The following ANKS1B variants were observed in gnomAD, a reference collection of about 807,000 sequenced individuals.
ANKS1B encodes the protein ankyrin repeat and sterile alpha motif domain-containing protein 1B.
Under a neutral mutation model 148.3 loss-of-function variants are expected in ANKS1B, and 36 were observed. The observed-to-expected ratio is 0.24, with a 90% CI of 0.19 to 0.32. ANKS1B has a LOEUF of 0.32. Among genes scored for constraint, ANKS1B ranks in the 10% least tolerant of loss-of-function variants. ANKS1B has a pLI of 1.00. For synonymous variants in ANKS1B, 542 were observed against 560.8 expected (o/e 0.97, Z 0.47); for missense variants, 1,157 against 1,542.6 (o/e 0.75, Z 4.19).
intron 17 of ANKS1B, among the ~76,000 whole-genome samples, chr12:99,024,022 C>T (rs1404903502): frequency 1.3e-5 from 2 of 151,154 alleles, no homozygotes; most frequent in Non-Finnish European, 1.5e-5. Context: ...TTTTTACTTG[C>T]AGTGCCGAGA....
intron 26 of ANKS1B, among the ~76,000 whole-genome samples, chr12:98,747,604 G>A (rs565848881): frequency 2.0e-5 from 3 of 152,262 alleles, no homozygotes; most frequent in Admixed American, 6.5e-5. Context: ...CCACTACTGC[G>A]TATATATACA....
chr12:99,007,299 G>A (rs145158049), intron 17 of ANKS1B, among the ~76,000 whole-genome samples: 1 of 152,320 alleles, frequency 6.6e-6, no homozygotes, highest in Admixed American at 6.5e-5. Context: ...TGGAAAATAT[G>A]TAGGCAGAAG....
intron 15 of ANKS1B, among the ~76,000 whole-genome samples, chr12:99,095,025 CTG>C (rs1491554800): frequency 1.3e-5 from 1 of 79,068 alleles, no homozygotes; most frequent in East Asian, 1.0e-3. Flanking sequence ...ATGGGTCTCA[CTG>C]GGGGGGGGGT....
At chr12:99,319,371 A>G (rs2084787942) in intron 12 of ANKS1B, among the ~76,000 whole-genome samples, 1 of 152,188 alleles carries the variant, frequency 6.6e-6, no homozygotes, top group Admixed American at 6.5e-5. Flanking sequence ...GGGTGCATAT[A>G]TATTTAGGAT....
At chr12:99,109,101 G>A (rs2059788870) in intron 15 of ANKS1B, among the ~76,000 whole-genome samples, 1 of 152,116 alleles carries the variant, frequency 6.6e-6, no homozygotes, top group Non-Finnish European at 1.5e-5. Flanking sequence ...CCTCAAGGTT[G>A]CTCCCTGGCT....
chr12:99,809,522 T>C lies in ANKS1B; in HGVS notation c.372+2633A>G, dbSNP rs549716554. ...ATAAAAGAGAAGGATGTGGCAATTATAAAAACCATAATCCGGGTAGAGTCC... is the reference window on the plus strand; with the variant it reads ...ATAAAAGAGAAGGATGTGGCAATTACAAAAACCATAATCCGGGTAGAGTCC... On this transcript the variant is annotated intron_variant, in intron 3 of 26. Transcript: ENST00000683438. Among the ~76,000 whole-genome samples the C allele has an allele frequency of 2.0e-4, 31 of 152,108 alleles. 1 individual carries two copies. The highest frequency in any genetic ancestry group is 7.0e-4 in the African/African-American group (29 of 41,552).
At chr12:99,345,902 A>C (rs1237032205) in intron 12 of ANKS1B, among the ~76,000 whole-genome samples, 1 of 152,020 alleles carries the variant, frequency 6.6e-6, no homozygotes, top group Non-Finnish European at 1.5e-5. Context: ...TCACAAAATT[A>C]GTTCATGCTT....
chr12:99,302,574 G>T (rs2154021216), intron 12 of ANKS1B, among the ~76,000 whole-genome samples: 1 of 152,250 alleles, frequency 6.6e-6, no homozygotes, highest in Non-Finnish European at 1.5e-5. Flanking sequence ...AGATGACATT[G>T]TGCTTCAGTG....
chr12:99,412,947 G>T (rs992619418), intron 11 of ANKS1B, among the ~76,000 whole-genome samples: 3 of 152,086 alleles, frequency 2.0e-5, no homozygotes, highest in African/African-American at 7.2e-5. Context: ...CAATTTTTTG[G>T]TTGTTATGAA....
chr12:99,907,326 G>A (rs555384966), intron 1 of ANKS1B, among the ~76,000 whole-genome samples: 1 of 152,234 alleles, frequency 6.6e-6, no homozygotes, highest in South Asian at 2.1e-4. Context: ...GCCCCATGCC[G>A]CCTGTGCTGT....
At position 99,659,675 on chromosome 12, in the gene ANKS1B, T is replaced by C. The variant is rs1257783411; in HGVS notation, c.1129-4465A>G. Among the ~76,000 whole-genome samples, 3 of 152,118 alleles carry C rather than the reference T, an allele frequency of 2.0e-5. No individual in the cohort carries two copies. In the South Asian group the frequency reaches 6.2e-4, roughly 32 times the overall value. On this transcript the variant is annotated intron_variant, in intron 8 of 26. Transcript: ENST00000683438. ...GTCTGTGTGTGTGCATGTGTGTATG[T>C]GTAAATTATATGACAACTATATATA...
intron 12 of ANKS1B, among the ~76,000 whole-genome samples, chr12:99,396,372 C>T (rs905182736): frequency 6.6e-6 from 1 of 152,114 alleles, no homozygotes; most frequent in African/African-American, 2.4e-5. Flanking sequence ...TTTGCAAGTA[C>T]AAATGCCTTC....
intron 17 of ANKS1B, among the ~76,000 whole-genome samples, chr12:98,907,893 T>C (rs1186038391): frequency 6.6e-6 from 1 of 152,218 alleles, no homozygotes; most frequent in Non-Finnish European, 1.5e-5. Flanking sequence ...CCTGCTGCCA[T>C]GTAAGATGTG....
At chr12:99,965,551 G>A (rs974275210) in intron 1 of ANKS1B, among the ~76,000 whole-genome samples, 15 of 152,108 alleles carry the variant, frequency 9.9e-5, no homozygotes, top group East Asian at 3.8e-4. Flanking sequence ...TATCAGCAAC[G>A]GGACAGATCA....
chr12:99,458,757 A>G (rs1381631956), intron 10 of ANKS1B, among the ~76,000 whole-genome samples: 1 of 152,060 alleles, frequency 6.6e-6, no homozygotes, highest in Non-Finnish European at 1.5e-5. Flanking sequence ...AGCAAGATTG[A>G]AATGGTAATT....
At chr12:99,451,853 A>G (rs983836022) in intron 10 of ANKS1B, among the ~76,000 whole-genome samples, 1 of 152,182 alleles carries the variant, frequency 6.6e-6, no homozygotes, top group East Asian at 1.9e-4. Context: ...TAAGTGCTCA[A>G]TAAAATTATC....
chr12:99,938,269 G>C (rs773093959), intron 1 of ANKS1B, among the ~76,000 whole-genome samples: 1 of 152,194 alleles, frequency 6.6e-6, no homozygotes, highest in Non-Finnish European at 1.5e-5. Context: ...TAGCCAGCAA[G>C]AAATTGAAAC....
intron 11 of ANKS1B, among the ~76,000 whole-genome samples, chr12:99,429,166 C>G (rs1016531280): frequency 4.6e-5 from 7 of 152,046 alleles, no homozygotes; most frequent in African/African-American, 1.4e-4. Flanking sequence ...AACAAACAAA[C>G]AAACGAAGAG....
rs139904000 is a variant in ANKS1B at position 99,328,640 on chromosome 12, C to T, written c.1756+70991G>A. ...GTAAGTCAATTTCATCCCAAAAAAG[C>T]CCTCAAAAATATTTATAGAAATATA... On this transcript the variant is annotated intron_variant, in intron 12 of 26. Coordinates refer to ENST00000683438, the MANE Select transcript of ANKS1B (RefSeq NM_001352186.2). Among the ~76,000 whole-genome samples the T allele has an allele frequency of 1.2e-3, 178 of 151,876 alleles. 1 individual carries two copies. Among genetic ancestry groups the T allele is most frequent in the African/African-American group, 4.1e-3 (172 of 41,458 alleles).
Sources: gnomAD v4.1 joint callset for allele counts (sites outside exome capture counted in the v4.1 genomes callset) on GRCh38, gnomAD v4.1.1 for gene constraint, MANE v1.5 for transcripts, NCBI Gene and HGNC (gene_info 2026-07-23, HGNC 2026-07-21) for gene names.